Variants in RBFOX1 observed in about 807,000 individuals in gnomAD.
RBFOX1 encodes the protein RNA binding fox-1 homolog 1, also known as RNA binding protein fox-1 homolog 1.
A neutral mutation model predicts 57.7 loss-of-function variants in RBFOX1; 8 were observed. That is an observed-to-expected ratio of 0.14 (90% CI 0.08 to 0.25). The LOEUF is 0.25. RBFOX1 is among the 10% of genes least tolerant of loss of function. RBFOX1 has a pLI of 1.00. For synonymous variants in RBFOX1, 326 were observed against 222.4 expected (o/e 1.47, Z -4.15); for missense variants, 611 against 548.5 (o/e 1.11, Z -1.14).
intron 1 of RBFOX1, among the ~76,000 whole-genome samples, chr16:6,250,761 G>A (rs1340336325): frequency 6.6e-6 from 1 of 152,114 alleles, no homozygotes; most frequent in Non-Finnish European, 1.5e-5. Context: ...AATCAGGCCT[G>A]TCTTGTGTGG....
intron 3 of RBFOX1, among the ~76,000 whole-genome samples, chr16:7,037,429 C>T (rs1443376395): frequency 6.6e-6 from 1 of 151,616 alleles, no homozygotes; most frequent in Non-Finnish European, 1.5e-5. Flanking sequence ...TTTACCCAGC[C>T]CCTATTCAAG....
chr16:5,747,414 G>A (rs2053028766), intron 3 of RBFOX1, among the ~76,000 whole-genome samples: 1 of 152,130 alleles, frequency 6.6e-6, no homozygotes, highest in Admixed American at 6.5e-5. Context: ...GAGTTAGGGA[G>A]GATTCCCTCT....
At chr16:5,439,533 G>A (rs185761798) in intron 1 of RBFOX1, among the ~76,000 whole-genome samples, 39 of 152,218 alleles carry the variant, frequency 2.6e-4, no homozygotes, top group Non-Finnish European at 4.7e-4. Flanking sequence ...TATCTCGTAG[G>A]TAGAACCGGG....
chr16:7,419,840 C>CT (rs796450456), intron 4 of RBFOX1, among the ~76,000 whole-genome samples: 3 of 151,362 alleles, frequency 2.0e-5, no homozygotes, highest in Non-Finnish European at 4.4e-5. Context: ...GAGGCATGTC[C>CT]TTTTTTTTCT....
rs372233246 is a variant in RBFOX1 at position 7,109,693 on chromosome 16, C to T, written c.27+57595C>T. Among the ~76,000 whole-genome samples, 60 of 152,180 alleles carry T rather than the reference C, an allele frequency of 3.9e-4. No individual in the cohort carries two copies. In the East Asian group the frequency reaches 8.1e-3, roughly 21 times the overall value. On this transcript the variant is annotated intron_variant, in intron 4 of 15. Coordinates refer to ENST00000550418, the MANE Select transcript of RBFOX1 (RefSeq NM_018723.4). ...CTTTATTTAAATACACCAGCAGCTG[C>T]AAGGAGTAAAGGGTCTTGAGGTGGA...
chr16:7,345,157 C>G (rs540927076), intron 4 of RBFOX1, among the ~76,000 whole-genome samples: 1 of 152,286 alleles, frequency 6.6e-6, no homozygotes, highest in Admixed American at 6.5e-5. Context: ...AAACACAAAT[C>G]AAGCAACGTT....
intron 2 of RBFOX1, among the ~76,000 whole-genome samples, chr16:6,375,428 A>G (rs979115563): frequency 6.7e-6 from 1 of 150,260 alleles, no homozygotes; most frequent in African/African-American, 2.5e-5. Flanking sequence ...TTTTTTTTTA[A>G]CCCTCCTAGG....
intron 1 of RBFOX1, among the ~76,000 whole-genome samples, chr16:6,062,028 C>G (rs1256217517): frequency 6.6e-6 from 1 of 152,112 alleles, no homozygotes; most frequent in Non-Finnish European, 1.5e-5. Context: ...GCTTATAGAA[C>G]TCAGGAAAAC....
chr16:5,432,761 A>G (rs1008929101), intron 1 of RBFOX1, among the ~76,000 whole-genome samples: 1 of 151,786 alleles, frequency 6.6e-6, no homozygotes, highest in Non-Finnish European at 1.5e-5. Flanking sequence ...CCACAGATTA[A>G]TGAGGCCCGT....
At chr16:6,481,636 C>A (rs897876689) in intron 2 of RBFOX1, among the ~76,000 whole-genome samples, 4 of 152,074 alleles carry the variant, frequency 2.6e-5, no homozygotes, top group Non-Finnish European at 5.9e-5. Context: ...AAGTCTAAAC[C>A]CCTTTTTGCC....
intron 5 of RBFOX1, among the ~76,000 whole-genome samples, chr16:7,519,921 T>C (rs917875335): frequency 3.9e-5 from 6 of 152,230 alleles, no homozygotes; most frequent in African/African-American, 1.4e-4. Context: ...GGTCTCACTC[T>C]GTTGCCCAGG....
At chr16:6,526,444 G>A (rs535395065) in intron 2 of RBFOX1, among the ~76,000 whole-genome samples, 1 of 152,160 alleles carries the variant, frequency 6.6e-6, no homozygotes, top group African/African-American at 2.4e-5. Flanking sequence ...CTACATTGCT[G>A]TAGAAGGCGG....
intron 4 of RBFOX1, among the ~76,000 whole-genome samples, chr16:5,930,387 T>C (rs1289349100): frequency 1.5e-5 from 2 of 130,642 alleles, no homozygotes; most frequent in Non-Finnish European, 1.6e-5. Context: ...GATGCATGGA[T>C]GGATGCATGG....
At chr16:7,616,265 C>A (rs1046872530) in intron 10 of RBFOX1, among the ~76,000 whole-genome samples, 1 of 152,196 alleles carries the variant, frequency 6.6e-6, no homozygotes, top group Non-Finnish European at 1.5e-5. Context: ...AGAAACCTAG[C>A]AAAAGCTTCC....
intron 1 of RBFOX1, among the ~76,000 whole-genome samples, chr16:5,458,980 T>G (rs1038318756): frequency 6.6e-6 from 1 of 152,182 alleles, no homozygotes; most frequent in Non-Finnish European, 1.5e-5. Flanking sequence ...TCAAGATGCT[T>G]CCATCTCTGT....
intron 2 of RBFOX1, among the ~76,000 whole-genome samples, chr16:6,476,301 T>C (rs908692104): frequency 2.0e-5 from 3 of 152,114 alleles, no homozygotes; most frequent in Non-Finnish European, 2.9e-5. Context: ...ACATACACTT[T>C]AAAAAAATAG....
At chr16:5,746,403 G>C (rs1339957499) in intron 3 of RBFOX1, among the ~76,000 whole-genome samples, 1 of 152,186 alleles carries the variant, frequency 6.6e-6, no homozygotes, top group Non-Finnish European at 1.5e-5. Flanking sequence ...TTTGGTTTAG[G>C]ATTGTCTTGG....
chr16:6,226,301 A>C (rs1035528338), intron 1 of RBFOX1, among the ~76,000 whole-genome samples: 1 of 135,204 alleles, frequency 7.4e-6, no homozygotes, highest in East Asian at 2.4e-4. Flanking sequence ...TGAACCCGGG[A>C]GGTGGAGGTT....
intron 3 of RBFOX1, among the ~76,000 whole-genome samples, chr16:6,716,506 C>G (rs989017124): frequency 2.6e-5 from 4 of 152,182 alleles, no homozygotes; most frequent in Non-Finnish European, 2.9e-5. Flanking sequence ...ATTTCAGCAA[C>G]TAAAATCTGT....
Sources: gnomAD v4.1 joint callset for allele counts (sites outside exome capture counted in the v4.1 genomes callset) on GRCh38, gnomAD v4.1.1 for gene constraint, MANE v1.5 for transcripts, NCBI Gene and HGNC (gene_info 2026-07-23, HGNC 2026-07-21) for gene names.